COL22A1: variants seen among roughly 807,000 people sequenced by gnomAD.
COL22A1 encodes the protein collagen alpha-1(XXII) chain.
A neutral mutation model predicts 248.9 loss-of-function variants in COL22A1; 221 were observed. That is an observed-to-expected ratio of 0.89 (90% CI 0.80 to 0.99). The LOEUF is 0.99. Among genes scored for constraint, COL22A1 ranks in the 50% least tolerant of loss-of-function variants. The probability of loss-of-function intolerance (pLI) is 0.00; values close to 1 mark genes in which losing one functional copy is unlikely to be tolerated. For synonymous variants in COL22A1, 891 were observed against 793.4 expected, an observed-to-expected ratio of 1.12 and a Z score of -2.07; for missense variants, 2,240 against 2,179.0, an observed-to-expected ratio of 1.03 and a Z score of -0.56.
chr8:138,755,929 A>AAGAATAAG, intron 18 of COL22A1, 100 bp from the exon 19 acceptor site: 1 of 963,230 alleles, frequency 1.0e-6, no homozygotes, highest in Non-Finnish European at 1.7e-6. Flanking sequence ...AGGGGACCAC[A>AAGAATAAG]CCCCTCCCTG....
intron 22 of COL22A1, among the ~76,000 whole-genome samples, chr8:138,739,561 A>G: frequency 6.6e-6 from 1 of 152,092 alleles, no homozygotes; most frequent in Non-Finnish European, 1.5e-5. Context: ...GTCTACCCCT[A>G]CTGGGACACA....
chr8:138,806,150 G>C (rs1193498709), intron 10 of COL22A1, among the ~76,000 whole-genome samples: 2 of 128,474 alleles, frequency 1.6e-5, no homozygotes, highest in African/African-American at 6.6e-5. Context: ...GTGTGTGTGT[G>C]ATGGTGTGTG....
intron 4 of COL22A1, among the ~76,000 whole-genome samples, chr8:138,843,514 A>C (rs571870417): frequency 6.6e-6 from 1 of 152,192 alleles, no homozygotes; most frequent in Non-Finnish European, 1.5e-5. Context: ...GTGCCCGGCC[A>C]CAGGGAGGAC....
At chr8:138,848,107 C>T (rs1821378324) in intron 3 of COL22A1, among the ~76,000 whole-genome samples, 1 of 152,148 alleles carries the variant, frequency 6.6e-6, no homozygotes, top group South Asian at 2.1e-4. Flanking sequence ...AAATTAAGGG[C>T]AAGGATAAAT....
intron 31 of COL22A1, among the ~76,000 whole-genome samples, chr8:138,701,283 G>A (rs1014609313): frequency 5.9e-5 from 9 of 152,110 alleles, no homozygotes; most frequent in African/African-American, 2.2e-4. Context: ...TGCCACTGTA[G>A]GGTTAGTTTA....
intron 15 of COL22A1, among the ~76,000 whole-genome samples, chr8:138,777,324 G>T (rs1447610076): frequency 1.3e-5 from 2 of 152,210 alleles, no homozygotes; most frequent in African/African-American, 4.8e-5. Flanking sequence ...CAGACCTAAA[G>T]GGTGAGTGGG....
At chr8:138,590,625 A>G (rs973304108) in intron 64 of COL22A1, among the ~76,000 whole-genome samples, 2 of 152,218 alleles carry the variant, frequency 1.3e-5, no homozygotes, top group African/African-American at 4.8e-5. Context: ...TGAAGGTATA[A>G]ATACTAAAAT....
At chr8:138,670,420 C>T (rs1240619958) in intron 41 of COL22A1, among the ~76,000 whole-genome samples, 6 of 152,118 alleles carry the variant, frequency 3.9e-5, no homozygotes, top group African/African-American at 4.8e-5. Context: ...GGGGCAAGGC[C>T]GGGAGCTGGG....
chr8:138,809,528 C>CTTTTTTTCTTTTTTTTTTT (rs1818017717), intron 9 of COL22A1, among the ~76,000 whole-genome samples: 1 of 117,630 alleles, frequency 8.5e-6, no homozygotes, highest in African/African-American at 3.3e-5. Context: ...TTTTCTTTTT[C>CTTTTTTTCTTTTTTTTTTT]TTTTTTTTTT....
intron 22 of COL22A1, among the ~76,000 whole-genome samples, chr8:138,740,852 C>G (rs1169609836): frequency 2.0e-5 from 3 of 152,138 alleles, no homozygotes; most frequent in Non-Finnish European, 4.4e-5. Context: ...GTACCTTCCG[C>G]ACCCCCAGCA....
chr8:138,865,966 A>G (rs868239466), intron 3 of COL22A1, among the ~76,000 whole-genome samples: 3 of 146,232 alleles, frequency 2.1e-5, no homozygotes, highest in Non-Finnish European at 4.5e-5. Context: ...CCTGTGTGTG[A>G]GTATATGTGT....
rs547767861 is a variant in COL22A1 at position 138,775,851 on chromosome 8, T to G, written c.1803+115A>C. The G allele has an allele frequency of 2.9e-6, 3 of 1,017,766 alleles. No individual in the cohort carries two copies. In the East Asian group the frequency reaches 7.1e-5, roughly 24 times the overall value. The allele number at this position is 1,017,766 out of a possible 1,614,324, so 63.0% of individuals were successfully genotyped here. The stretch of plus-strand genomic sequence containing the variant: ...ATACATGTACACACATGTGCACACA[T>G]GCACACACAAATGTGTACACACACA... On this transcript the variant is annotated intron_variant, in intron 16 of 64. Transcript: ENST00000303045.
chr8:138,834,982 G>T (rs1485177415), intron 4 of COL22A1, among the ~76,000 whole-genome samples: 2 of 152,166 alleles, frequency 1.3e-5, no homozygotes, highest in Non-Finnish European at 2.9e-5. Flanking sequence ...ACAATTCCAG[G>T]CATGAAGAGT....
At chr8:138,640,784 G>T (rs1241713029) in intron 47 of COL22A1, among the ~76,000 whole-genome samples, 2 of 152,166 alleles carry the variant, frequency 1.3e-5, no homozygotes, top group Non-Finnish European at 2.9e-5. Flanking sequence ...GAGACAGATT[G>T]TACAATTCTT....
chr8:138,613,999 C>A (rs1819114267), intron 55 of COL22A1, 79 bp from the exon 56 acceptor site: 3 of 1,130,492 alleles, frequency 2.7e-6, no homozygotes, highest in Non-Finnish European at 4.0e-6. Context: ...AAATGTTAAC[C>A]AAACCTCGCC....
chr8:138,659,499 G>A (rs1436556327), intron 44 of COL22A1, among the ~76,000 whole-genome samples: 1 of 152,150 alleles, frequency 6.6e-6, no homozygotes, highest in African/African-American at 2.4e-5. Flanking sequence ...CACTCTTGAG[G>A]CCTGCGATTC....
intron 23 of COL22A1, among the ~76,000 whole-genome samples, chr8:138,733,988 T>G (rs1830908839): frequency 6.6e-6 from 1 of 152,110 alleles, no homozygotes; most frequent in South Asian, 2.1e-4. Context: ...CTGTACAGCT[T>G]GGAGCCTGCG....
At chr8:138,763,308 A>G (rs1269604472) in intron 16 of COL22A1, among the ~76,000 whole-genome samples, 4 of 152,016 alleles carry the variant, frequency 2.6e-5, no homozygotes, top group Non-Finnish European at 5.9e-5. Flanking sequence ...AATGGCTTGT[A>G]CCCAGGAGAC....
intron 58 of COL22A1, 96 bp from the exon 59 acceptor site, chr8:138,604,865 T>C: frequency 9.3e-7 from 1 of 1,075,388 alleles, no homozygotes; most frequent in South Asian, 1.3e-5. Flanking sequence ...TCAAGTCATG[T>C]TCCAGCAAAG....
Sources: gnomAD v4.1 joint callset for allele counts (sites outside exome capture counted in the v4.1 genomes callset) on GRCh38, gnomAD v4.1.1 for gene constraint, MANE v1.5 for transcripts, NCBI Gene and HGNC (gene_info 2026-07-23, HGNC 2026-07-21) for gene names.